TMEM132D: variants seen among roughly 807,000 people sequenced by gnomAD.
TMEM132D encodes the protein mature OL transmembrane protein.
TMEM132D carries 21 observed loss-of-function variants against 62.3 expected under a neutral mutation model. The observed-to-expected ratio is 0.34, with a 90% CI of 0.24 to 0.49. The LOEUF (loss-of-function observed/expected upper bound fraction) is 0.49. Among genes scored for constraint, TMEM132D ranks in the 20% least tolerant of loss-of-function variants. The probability of loss-of-function intolerance (pLI) is 0.99; values close to 1 mark genes in which losing one functional copy is unlikely to be tolerated. For missense variants in TMEM132D, 1,346 were observed against 1,402.8 expected, an observed-to-expected ratio of 0.96 and a Z score of 0.65; for synonymous variants, 621 against 575.6, an observed-to-expected ratio of 1.08 and a Z score of -1.13.
intron 1 of TMEM132D, among the ~76,000 whole-genome samples, chr12:129,728,545 A>T (rs1869114160): frequency 6.6e-6 from 1 of 152,226 alleles, no homozygotes; most frequent in Non-Finnish European, 1.5e-5. Flanking sequence ...AGCAGCCTGC[A>T]GGGCGTGAGT....
intron 4 of TMEM132D, among the ~76,000 whole-genome samples, chr12:129,290,781 T>C (rs964930012): frequency 1.1e-4 from 17 of 152,226 alleles, no homozygotes; most frequent in African/African-American, 2.7e-4. Context: ...GTCTGTTAAG[T>C]TGTTGACCTC....
intron 3 of TMEM132D, among the ~76,000 whole-genome samples, chr12:129,457,861 G>A (rs868826631): frequency 1.3e-5 from 2 of 152,116 alleles, no homozygotes; most frequent in African/African-American, 2.4e-5. Context: ...CCCTCAGCAG[G>A]TCTCCCCTCC....
At chr12:129,657,920 C>T (rs544638930) in intron 2 of TMEM132D, among the ~76,000 whole-genome samples, 83 of 152,314 alleles carry the variant, frequency 5.4e-4, no homozygotes, top group Middle Eastern at 3.4e-3. Flanking sequence ...CATGACATTG[C>T]CATTGTGCAC....
intron 1 of TMEM132D, among the ~76,000 whole-genome samples, chr12:129,721,507 C>T (rs563611102): frequency 6.6e-6 from 1 of 152,270 alleles, no homozygotes; most frequent in Non-Finnish European, 1.5e-5. Context: ...GAAACTAGCT[C>T]CCGGGGTCAC....
chr12:129,669,761 C>G (rs1880461188), intron 2 of TMEM132D, among the ~76,000 whole-genome samples: 1 of 152,046 alleles, frequency 6.6e-6, no homozygotes, highest in Non-Finnish European at 1.5e-5. Context: ...AAACTGGGAT[C>G]TGTACTCCTC....
At chr12:129,668,394 G>A (rs970717983) in intron 2 of TMEM132D, among the ~76,000 whole-genome samples, 1 of 151,132 alleles carries the variant, frequency 6.6e-6, no homozygotes, top group Non-Finnish European at 1.5e-5. Context: ...ATAGACTGTT[G>A]TCATCCCCAG....
intron 3 of TMEM132D, among the ~76,000 whole-genome samples, chr12:129,363,042 C>T (rs770130549): frequency 6.6e-6 from 1 of 152,200 alleles, no homozygotes; most frequent in Non-Finnish European, 1.5e-5. Flanking sequence ...TCTTCATACA[C>T]TCCTTCCTCC....
rs117239696 is a variant in TMEM132D, at chr12:129,349,224, C to T, written c.1116-11407G>A. On this transcript the variant is annotated intron_variant, in intron 3 of 8. Coordinates refer to ENST00000422113, the MANE Select transcript of TMEM132D (RefSeq NM_133448.3). Reference sequence around the variant, plus strand: ...AACCAGGCTTTGTTGCTAGATGCTCCGGATATAACACTTGAAGTATGCCAG... The same window carrying T: ...AACCAGGCTTTGTTGCTAGATGCTCTGGATATAACACTTGAAGTATGCCAG... 8.9e-3 allele frequency among the ~76,000 whole-genome samples: 1,350 copies of T among 152,276 alleles called. 7 individuals carry two copies. Among genetic ancestry groups the T allele is most frequent in the South Asian group, 0.013 (62 of 4,824 alleles).
intron 3 of TMEM132D, among the ~76,000 whole-genome samples, chr12:129,452,332 T>C (rs1873319163): frequency 6.6e-6 from 1 of 152,244 alleles, no homozygotes; most frequent in African/African-American, 2.4e-5. Flanking sequence ...CATTTCAAAC[T>C]TACTTTCTAG....
chr12:129,790,523 C>T (rs540218748), intron 1 of TMEM132D, among the ~76,000 whole-genome samples: 1 of 152,296 alleles, frequency 6.6e-6, no homozygotes, highest in Admixed American at 6.5e-5. Flanking sequence ...ACCATCAAGC[C>T]GTCCCTCTGA....
intron 5 of TMEM132D, among the ~76,000 whole-genome samples, chr12:129,201,984 G>A (rs983863574): frequency 1.3e-5 from 2 of 150,722 alleles, no homozygotes; most frequent in African/African-American, 2.4e-5. Context: ...CATCTGAAAT[G>A]CTTTCACTGG....
At chr12:129,402,093 T>C (rs1376362737) in intron 3 of TMEM132D, among the ~76,000 whole-genome samples, 1 of 152,184 alleles carries the variant, frequency 6.6e-6, no homozygotes, top group African/African-American at 2.4e-5. Context: ...TCCTTTAGGC[T>C]GCCAGGGTGA....
intron 4 of TMEM132D, among the ~76,000 whole-genome samples, chr12:129,211,461 T>G (rs1323268965): frequency 6.6e-6 from 1 of 152,220 alleles, no homozygotes; most frequent in Admixed American, 6.5e-5. Flanking sequence ...CTTGTTACTT[T>G]GATTCTCATG....
chr12:129,903,649 T>G lies in TMEM132D; in HGVS notation c.-310A>C. On this transcript the variant is annotated 5_prime_UTR_variant, in exon 1 of 9. Transcript: ENST00000422113. This position sits in a 1 kb window ranked among gnomAD's most constrained non-coding sequence, Gnocchi z 6.2. ...CACAGGGGGTATTTCCTTTCCTGTT[T>G]ACCCGAGCGAAGAGTGGCCCCCGGT... The G allele has an allele frequency of 4.0e-5, 10 of 251,056 alleles. No homozygotes were observed. The highest frequency in any genetic ancestry group is 1.6e-4 in the East Asian group (2 of 12,738). 15.6% of individuals were successfully genotyped at this position (251,056 alleles called of 1,614,324 possible).
At chr12:129,236,487 C>T (rs1430433809) in intron 4 of TMEM132D, among the ~76,000 whole-genome samples, 4 of 135,296 alleles carry the variant, frequency 3.0e-5, no homozygotes, top group Non-Finnish European at 4.5e-5. Flanking sequence ...TGAACTCCAG[C>T]CTGGGCAATG....
chr12:129,791,898 C>T (rs1426484811), intron 1 of TMEM132D, among the ~76,000 whole-genome samples: 1 of 152,154 alleles, frequency 6.6e-6, no homozygotes, highest in Non-Finnish European at 1.5e-5. Flanking sequence ...CACACACACT[C>T]CTGTATTTCC....
intron 1 of TMEM132D, among the ~76,000 whole-genome samples, chr12:129,712,557 T>TGTGCA (rs112590345): frequency 1.9e-3 from 294 of 152,364 alleles, no homozygotes; most frequent in African/African-American, 6.8e-3. Context: ...GAAATGTCTT[T>TGTGCA]GTGCAGTGCA....
intron 2 of TMEM132D, among the ~76,000 whole-genome samples, chr12:129,628,209 T>A (rs1593096066): frequency 6.6e-6 from 1 of 152,212 alleles, no homozygotes; most frequent in Non-Finnish European, 1.5e-5. Flanking sequence ...CAGAGGACTG[T>A]GGAAAGATCA....
At chr12:129,114,391 TCCTTC>T (rs978729564) in intron 5 of TMEM132D, among the ~76,000 whole-genome samples, 1 of 146,386 alleles carries the variant, frequency 6.8e-6, no homozygotes, top group African/African-American at 2.7e-5. Context: ...GGAAACTCCT[TCCTTC>T]CTTCCCTCCT....
Sources: allele counts gnomAD v4.1 joint callset (sites outside exome capture counted in the v4.1 genomes callset), GRCh38; gene constraint gnomAD v4.1.1; non-coding constraint Gnocchi (gnomAD v3.1); transcripts MANE v1.5; gene names NCBI Gene and HGNC (gene_info 2026-07-23, HGNC 2026-07-21).